Variants in ANKRD17 observed in about 807,000 individuals in gnomAD.
ANKRD17 encodes the protein ankyrin repeat domain 17.
ANKRD17 carries 19 observed loss-of-function variants against 229.7 expected under a neutral mutation model. That is an observed-to-expected ratio of 0.08 (90% CI 0.06 to 0.12). The LOEUF (loss-of-function observed/expected upper bound fraction) is 0.12. Among genes scored for constraint, ANKRD17 ranks in the 10% least tolerant of loss-of-function variants. The probability of loss-of-function intolerance (pLI) is 1.00; values close to 1 mark genes in which losing one functional copy is unlikely to be tolerated. For synonymous variants in ANKRD17, 1,112 were observed against 1,146.1 expected (o/e 0.97, Z 0.60); for missense variants, 2,176 against 3,176.8 (o/e 0.68, Z 7.57).
At chr4:73,124,086 G>A (rs1727116925) in intron 18 of ANKRD17, among the ~76,000 whole-genome samples, 1 of 151,440 alleles carries the variant, frequency 6.6e-6, no homozygotes, top group South Asian at 2.1e-4. Context: ...GAACTGTGGG[G>A]AAACAAAAAA....
intron 1 of ANKRD17, 84 bp downstream of exon 1, chr4:73,258,192 G>A (rs1289348130): frequency 1.9e-6 from 3 of 1,593,678 alleles, no homozygotes; most frequent in African/African-American, 1.3e-5. Flanking sequence ...ACTGGAATCT[G>A]TCCCACTCCA....
intron 18 of ANKRD17, among the ~76,000 whole-genome samples, chr4:73,124,288 G>GAAGAAAAAA (rs1553918206): frequency 2.1e-5 from 2 of 96,230 alleles, no homozygotes; most frequent in African/African-American, 9.2e-5. Flanking sequence ...GACTGAATTT[G>GAAGAAAAAA]AAAAAAAAAA....
intron 1 of ANKRD17, among the ~76,000 whole-genome samples, chr4:73,194,371 T>C (rs979864370): frequency 1.3e-5 from 2 of 152,266 alleles, no homozygotes. Flanking sequence ...CTCTATTGAA[T>C]TGCCTTGGCA....
intron 3 of ANKRD17, among the ~76,000 whole-genome samples, chr4:73,157,994 G>A (rs534512159): frequency 6.6e-6 from 1 of 152,078 alleles, no homozygotes; most frequent in South Asian, 2.1e-4. Flanking sequence ...GGGAGGCTGA[G>A]GCAGGAGAAT....
chr4:73,140,362 C>CATAACTGTTGG, intron 14 of ANKRD17, 79 bp from the exon 15 acceptor site: 1 of 1,459,860 alleles, frequency 6.8e-7, no homozygotes, highest in Non-Finnish European at 9.1e-7. Flanking sequence ...AGGTTTAGTG[C>CATAACTGTTGG]CAACAGTTAT....
At chr4:73,146,250 C>T (rs1190469119) in intron 10 of ANKRD17, among the ~76,000 whole-genome samples, 1 of 152,148 alleles carries the variant, frequency 6.6e-6, no homozygotes, top group Non-Finnish European at 1.5e-5. Context: ...ATCTTCTTTA[C>T]TCTGCATTTT....
chr4:73,222,398 G>T (rs1741976022), intron 1 of ANKRD17, among the ~76,000 whole-genome samples: 1 of 151,988 alleles, frequency 6.6e-6, no homozygotes, highest in South Asian at 2.1e-4. Context: ...TGTCTCTCTA[G>T]CATCAGTGCC....
At position 73,245,070 on chromosome 4, in the gene ANKRD17, A is replaced by G. The variant is rs186575522; in HGVS notation, c.393+13206T>C. The stretch of plus-strand genomic sequence containing the variant: ...TCTCAGTGGCAAACTCCGACCTACA[A>G]GAGTCCAGTAATTTGGGGCCTCCCA... On this transcript the variant is annotated intron_variant, in intron 1 of 33. Coordinates refer to ENST00000358602, the MANE Select transcript of ANKRD17 (RefSeq NM_032217.5). 2.3e-3 allele frequency among the ~76,000 whole-genome samples: 354 copies of G among 152,302 alleles called. 3 individuals are homozygous for G. The highest frequency in any genetic ancestry group is 7.9e-3 in the African/African-American group (328 of 41,570).
chr4:73,077,676 C>A, intron 31 of ANKRD17, 143 bp from the exon 32 acceptor site: 1 of 708,588 alleles, frequency 1.4e-6, no homozygotes, highest in Non-Finnish European at 2.1e-6. Context: ...AGCAATATTT[C>A]CATGGTTTGT....
At chr4:73,211,219 C>T (rs1740209131) in intron 1 of ANKRD17, among the ~76,000 whole-genome samples, 1 of 151,824 alleles carries the variant, frequency 6.6e-6, no homozygotes. Context: ...GAAAAGAAGA[C>T]TAGGGTGGGA....
At chr4:73,257,205 T>G (rs1578543999) in intron 1 of ANKRD17, among the ~76,000 whole-genome samples, 1 of 152,204 alleles carries the variant, frequency 6.6e-6, no homozygotes, top group Admixed American at 6.5e-5. Context: ...TTTTTCTAGA[T>G]TCTATTTCAG....
At chr4:73,089,709 A>G (rs1241892136) in intron 29 of ANKRD17, among the ~76,000 whole-genome samples, 3 of 152,152 alleles carry the variant, frequency 2.0e-5, no homozygotes, top group Non-Finnish European at 4.4e-5. Context: ...TAAAGTAAAA[A>G]GTTTTTTTTA....
At position 73,184,775 on chromosome 4, in the gene ANKRD17, A is replaced by G. The variant is rs113966903; in HGVS notation, c.394-7242T>C. Among the ~76,000 whole-genome samples, 973 of 152,296 alleles carry G rather than the reference A, an allele frequency of 6.4e-3. 13 individuals carry two copies. The highest frequency in any genetic ancestry group is 0.022 in the African/African-American group (926 of 41,572). ...ATCAAACAAGTTTGAAAGAAGTACT[A>G]AACAGATACTAATACAGTGATTGTG... is the stretch of plus-strand genomic sequence containing the variant. On this transcript the variant is annotated intron_variant, in intron 1 of 33. Coordinates refer to ENST00000358602, the MANE Select transcript of ANKRD17 (RefSeq NM_032217.5).
At position 73,125,315 on chromosome 4, in the gene ANKRD17, A is replaced by T; in HGVS notation, c.3235-3T>A. 1 of 1,573,730 alleles carries T rather than the reference A, an allele frequency of 6.4e-7. No homozygotes were observed. ...GCCGTGTCATGATTACTCTCAGTCT[A>T]TAAGAAATTATTTTTTGGTTAGTTT... On this transcript the variant is annotated splice_region_variant and splice_polypyrimidine_tract_variant and intron_variant, in intron 16 of 33. Coordinates refer to ENST00000358602, the MANE Select transcript of ANKRD17 (RefSeq NM_032217.5).
chr4:73,243,006 C>G (rs1170854810), intron 1 of ANKRD17, among the ~76,000 whole-genome samples: 2 of 152,062 alleles, frequency 1.3e-5, no homozygotes, highest in African/African-American at 4.8e-5. Context: ...TCTAACAATA[C>G]TGGACGAAGA....
intron 24 of ANKRD17, among the ~76,000 whole-genome samples, chr4:73,109,285 G>A (rs1262105359): frequency 6.8e-6 from 1 of 147,640 alleles, no homozygotes; most frequent in Non-Finnish European, 1.5e-5. Flanking sequence ...GGGTGACAGA[G>A]TGAGGCGCTG....
chr4:73,250,288 A>T (rs1744871187), intron 1 of ANKRD17, among the ~76,000 whole-genome samples: 1 of 152,078 alleles, frequency 6.6e-6, no homozygotes, highest in Non-Finnish European at 1.5e-5. Context: ...AAGCTTTGAG[A>T]AATTTCACCA....
At chr4:73,145,178 T>TG (rs1474323159) in intron 10 of ANKRD17, among the ~76,000 whole-genome samples, 2 of 152,162 alleles carry the variant, frequency 1.3e-5, no homozygotes, top group Non-Finnish European at 2.9e-5. Context: ...TATGCATGTA[T>TG]GGTACTCTAG....
At chr4:73,209,701 T>C (rs1740001005) in intron 1 of ANKRD17, among the ~76,000 whole-genome samples, 1 of 152,184 alleles carries the variant, frequency 6.6e-6, no homozygotes, top group African/African-American at 2.4e-5. Context: ...CTTAACAAGA[T>C]ATTAGTAAGT....
Sources: gnomAD v4.1 joint callset for allele counts (sites outside exome capture counted in the v4.1 genomes callset) on GRCh38, gnomAD v4.1.1 for gene constraint, MANE v1.5 for transcripts, NCBI Gene and HGNC (gene_info 2026-07-23, HGNC 2026-07-21) for gene names.